The following PTPN13 variants were observed in gnomAD, a reference collection of about 807,000 sequenced individuals.
PTPN13 encodes tyrosine-protein phosphatase non-receptor type 13.
In PTPN13, 191 loss-of-function variants were observed where a neutral mutation model predicts 284.0. The ratio of observed to expected loss-of-function variants is 0.67; its 90% CI spans 0.60 to 0.76. The LOEUF (loss-of-function observed/expected upper bound fraction) is 0.76. Among genes scored for constraint, PTPN13 ranks in the 30% least tolerant of loss-of-function variants. PTPN13 has a pLI of 0.00. For synonymous variants in PTPN13, 986 were observed against 1,022.3 expected, an observed-to-expected ratio of 0.96 and a Z score of 0.68; for missense variants, 2,797 against 2,939.9, an observed-to-expected ratio of 0.95 and a Z score of 1.12.
intron 28 of PTPN13, 58 bp downstream of exon 28, chr4:86,768,034 T>G: frequency 6.6e-7 from 1 of 1,516,066 alleles, no homozygotes; most frequent in Non-Finnish European, 8.9e-7. Flanking sequence ...TATTCAAAAT[T>G]TGATTTTTAC....
In PTPN13 at chr4:86,750,575, A is replaced by G; in HGVS notation, c.2756A>G (p.Lys919Arg). ...TGSLASSTLN[K>R]LAVRPLSVQA... ...AGTCTGGCCAGCAGCACCCTCAACA[A>G]ACTTGCTGTTCGACCTTTATCAGTT... is the stretch of plus-strand genomic sequence containing the variant. Residue 919 changes from lysine (K) to arginine (R), a missense_variant, in exon 18 of 48, where the codon AAA (lysine) becomes AGA (arginine). By Grantham distance (26) the Lys-to-Arg change is conservative. Coordinates refer to ENST00000411767, the MANE Select transcript of PTPN13 (RefSeq NM_080683.3). The G allele has an allele frequency of 1.2e-6, 2 of 1,613,920 alleles. No individual in the cohort carries two copies. Among genetic ancestry groups the G allele is most frequent in the African/African-American group, 1.3e-5 (1 of 75,014 alleles).
At chr4:86,718,933 A>C (rs1380325926) in intron 9 of PTPN13, among the ~76,000 whole-genome samples, 1 of 152,164 alleles carries the variant, frequency 6.6e-6, no homozygotes, top group African/African-American at 2.4e-5. Context: ...ACTTTTGAAC[A>C]AAGAGGTAGG....
intron 12 of PTPN13, among the ~76,000 whole-genome samples, chr4:86,733,552 T>A (rs933611095): frequency 6.6e-6 from 1 of 152,084 alleles, no homozygotes. Flanking sequence ...CTTATTGAAT[T>A]ATTGTGCCTT....
intron 32 of PTPN13, 47 bp from the exon 33 acceptor site, chr4:86,774,326 T>C (rs1357504210): frequency 1.3e-6 from 2 of 1,510,856 alleles, no homozygotes; most frequent in Non-Finnish European, 1.8e-6. Context: ...TGTTTGTCTA[T>C]AGTGCAGAAT....
chr4:86,671,703 A>T (rs1487209408), intron 2 of PTPN13, among the ~76,000 whole-genome samples: 1 of 152,232 alleles, frequency 6.6e-6, no homozygotes, highest in Non-Finnish European at 1.5e-5. Flanking sequence ...AATGCTAGTG[A>T]AATAATGAAC....
At chr4:86,688,080 G>A (rs1052651715) in intron 4 of PTPN13, among the ~76,000 whole-genome samples, 2 of 152,148 alleles carry the variant, frequency 1.3e-5, no homozygotes, top group Non-Finnish European at 2.9e-5. Context: ...GAAAATAGAG[G>A]ATGCTATGGA....
intron 32 of PTPN13, among the ~76,000 whole-genome samples, chr4:86,774,004 A>G (rs1469022608): frequency 2.0e-5 from 3 of 152,074 alleles, no homozygotes; most frequent in Non-Finnish European, 4.4e-5. Context: ...TTAGAAATAT[A>G]TGAATTTTTT....
chr4:86,770,287 G>A (rs1739838731), intron 30 of PTPN13, 88 bp downstream of exon 30: 4 of 1,237,950 alleles, frequency 3.2e-6, no homozygotes, highest in East Asian at 5.1e-5. Context: ...ATCATGAATT[G>A]TTCTCCTGGG....
chr4:86,627,172 CAGAA>C (rs753088855), intron 1 of PTPN13, among the ~76,000 whole-genome samples: 30 of 151,904 alleles, frequency 2.0e-4, no homozygotes, highest in Non-Finnish European at 3.4e-4. Flanking sequence ...ATCATAGAAA[CAGAA>C]AGTACAAAGT....
At chr4:86,706,152 T>G (rs1265729329) in intron 7 of PTPN13, among the ~76,000 whole-genome samples, 1 of 152,122 alleles carries the variant, frequency 6.6e-6, no homozygotes, top group Non-Finnish European at 1.5e-5. Context: ...ACCAAACATC[T>G]CATTTTCAGA....
chr4:86,690,071 A>G (rs1167994135), intron 5 of PTPN13: 1 of 200,364 alleles, frequency 5.0e-6, no homozygotes, highest in East Asian at 1.2e-4. Context: ...TCAGTTGATA[A>G]CAAACAGGCC....
intron 2 of PTPN13, among the ~76,000 whole-genome samples, chr4:86,637,287 C>G (rs1441824204): frequency 2.6e-5 from 4 of 152,072 alleles, no homozygotes; most frequent in African/African-American, 9.7e-5. Context: ...TGAAACTATT[C>G]CAATCAACAG....
chr4:86,814,578 C>G lies in PTPN13; in HGVS notation c.*27C>G. 1.3e-6 allele frequency: 2 copies of G among 1,550,560 alleles called. No individual in the cohort carries two copies. Among genetic ancestry groups the G allele is most frequent in the Non-Finnish European group, 8.9e-7 (1 of 1,123,626 alleles). ...ATGAAAAGAGCCTCTGGATGCATTTCCATTTCTCTCCTTAACCTCCAGCAG... is the reference window on the plus strand; with the variant it reads ...ATGAAAAGAGCCTCTGGATGCATTTGCATTTCTCTCCTTAACCTCCAGCAG... On this transcript the variant is annotated 3_prime_UTR_variant, in exon 48 of 48. Coordinates refer to ENST00000411767, the MANE Select transcript of PTPN13 (RefSeq NM_080683.3).
chr4:86,612,309 CAG>C (rs2148624215), intron 1 of PTPN13, among the ~76,000 whole-genome samples: 1 of 152,220 alleles, frequency 6.6e-6, no homozygotes, highest in African/African-American at 2.4e-5. Context: ...AAAACTGACA[CAG>C]AGGTTAGAAT....
At chr4:86,657,596 G>A (rs1726002151) in intron 2 of PTPN13, among the ~76,000 whole-genome samples, 2 of 152,130 alleles carry the variant, frequency 1.3e-5, no homozygotes, top group Admixed American at 6.5e-5. Flanking sequence ...AAGGCTTGCA[G>A]ACCAGCACAG....
intron 31 of PTPN13, among the ~76,000 whole-genome samples, chr4:86,772,513 C>G (rs1740116939): frequency 6.6e-6 from 1 of 151,942 alleles, no homozygotes; most frequent in Admixed American, 6.6e-5. Context: ...GAGATTTCAC[C>G]ACTGCACTCC....
intron 20 of PTPN13, among the ~76,000 whole-genome samples, chr4:86,755,666 A>G (rs1737887755): frequency 6.6e-6 from 1 of 152,090 alleles, no homozygotes; most frequent in African/African-American, 2.4e-5. Context: ...TCAGTACAGT[A>G]TTCAGTAAAT....
rs370960619 is a variant in PTPN13 at position 86,785,238 on chromosome 4, T to C, written c.6126T>C (p.Tyr2042=). 42 of 1,538,612 alleles carry C rather than the reference T, an allele frequency of 2.7e-5. No individual in the cohort carries two copies. The highest frequency in any genetic ancestry group is 3.6e-5 in the Non-Finnish European group (41 of 1,126,162). The part of the protein sequence containing the change: ...SPNLTLPKES[Y]IQEDDIYDDS... Reference sequence around the variant, plus strand: ...AAATTATTATTTTTCAAGAATCTTATATACAAGAAGATGACATTTATGATG... The same window carrying C: ...AAATTATTATTTTTCAAGAATCTTACATACAAGAAGATGACATTTATGATG... The change falls in exon 39 of 48, where the codon TAT becomes TAC. Residue 2042 remains tyrosine, a synonymous_variant. Coordinates refer to ENST00000411767, the MANE Select transcript of PTPN13 (RefSeq NM_080683.3).
At chr4:86,728,086 C>T (rs1466788560) in intron 10 of PTPN13, among the ~76,000 whole-genome samples, 1 of 149,650 alleles carries the variant, frequency 6.7e-6, no homozygotes. Context: ...AGTAGTCATT[C>T]AGGAGAAGGT....
Sources: allele counts gnomAD v4.1 joint callset (sites outside exome capture counted in the v4.1 genomes callset), GRCh38; gene constraint gnomAD v4.1.1; transcripts MANE v1.5; gene names NCBI Gene and HGNC (gene_info 2026-07-23, HGNC 2026-07-21).